ATM: variants seen among roughly 807,000 people sequenced by gnomAD.
ATM encodes the protein serine-protein kinase ATM.
A neutral mutation model predicts 387.0 loss-of-function variants in ATM; 308 were observed. The ratio of observed to expected loss-of-function variants is 0.80; its 90% CI spans 0.73 to 0.87. The LOEUF (loss-of-function observed/expected upper bound fraction) is 0.87, where lower values mean the gene tolerates loss of function less well. ATM is among the 40% of genes least tolerant of loss of function. The pLI, the probability that ATM is intolerant of heterozygous loss-of-function variation, is 0.00. For synonymous variants in ATM, 1,156 were observed against 1,187.3 expected (o/e 0.97, Z 0.54); for missense variants, 3,312 against 3,560.9 (o/e 0.93, Z 1.78).
chr11:108,231,150 A>G (rs1047390746), intron 4 of ATM, among the ~76,000 whole-genome samples: 10 of 152,180 alleles, frequency 6.6e-5, no homozygotes, highest in African/African-American at 2.4e-5. Context: ...TTTACTTGCT[A>G]TGATTTGAGG....
intron 7 of ATM, 52 bp from the exon 8 acceptor site, chr11:108,246,912 G>C (rs2079874184): frequency 8.9e-6 from 13 of 1,455,560 alleles, no homozygotes; most frequent in Non-Finnish European, 1.2e-5. Context: ...GGAGCTAGCA[G>C]TGTAAACAGA....
At position 108,365,476 on chromosome 11, in the gene ATM, C is replaced by T. The variant is rs121434219; in HGVS notation, c.9139C>T (p.Arg3047Ter). The T allele has an allele frequency of 1.6e-5, 26 of 1,613,988 alleles. No homozygotes were observed. Among genetic ancestry groups the T allele is most frequent in the South Asian group, 8.8e-5 (8 of 91,078 alleles). The change falls in exon 63 of 63, where the codon CGA (arginine) becomes TGA (stop). Residue 3047 changes from arginine (R) to a stop codon, truncating the protein, a stop_gained. Coordinates refer to ENST00000675843, the MANE Select transcript of ATM (RefSeq NM_000051.4). LOFTEE classifies it high-confidence loss of function. ...QQAIDPKNLS[R>*]LFPGWKAWV ...GGCCATAGACCCCAAAAATCTCAGC[C>T]GACTTTTCCCAGGATGGAAAGCTTG...
chr11:108,358,863 G>A (rs1244284), intron 61 of ATM, among the ~76,000 whole-genome samples: 3,507 of 151,326 alleles, frequency 0.023, 99 homozygotes, highest in African/African-American at 0.073. Flanking sequence ...AAAGACCATC[G>A]AGACTAGGAA....
chr11:108,303,260 G>A lies in ATM; in HGVS notation c.5496+231G>A, dbSNP rs4988039. Among the ~76,000 whole-genome samples the A allele has an allele frequency of 2.2e-3, 339 of 152,234 alleles. 1 individual carries two copies. Among genetic ancestry groups the A allele is most frequent in the Middle Eastern group, 3.4e-3 (1 of 294 alleles). Reference sequence around the variant, plus strand: ...GTGCCTTGAATAATTTGTTACTAATGATAGTTAAAATACTGCTGATTATAA... The same window carrying A: ...GTGCCTTGAATAATTTGTTACTAATAATAGTTAAAATACTGCTGATTATAA... On this transcript the variant is annotated intron_variant, in intron 36 of 62. Transcript: ENST00000675843.
At chr11:108,344,228 G>A (rs2087990460) in intron 57 of ATM, among the ~76,000 whole-genome samples, 1 of 152,168 alleles carries the variant, frequency 6.6e-6, no homozygotes, top group Admixed American at 6.5e-5. Flanking sequence ...GGAGGAGGAA[G>A]TGCTTAGTTC....
chr11:108,227,474 TAAATC>T, intron 1 of ATM, 116 bp from the exon 2 acceptor site: 1 of 648,412 alleles, frequency 1.5e-6, no homozygotes, highest in Non-Finnish European at 2.7e-6. Context: ...ATTGTACAGT[TAAATC>T]TAACTATAAA....
chr11:108,297,060 ATT>A, intron 32 of ATM: 1 of 511,368 alleles, frequency 2.0e-6, no homozygotes, highest in East Asian at 3.5e-5. Flanking sequence ...TGTTTAAGAC[ATT>A]TTATTTTCTC....
At chr11:108,237,813 C>G (rs1307588426) in intron 5 of ATM, among the ~76,000 whole-genome samples, 1 of 149,596 alleles carries the variant, frequency 6.7e-6, no homozygotes, top group Non-Finnish European at 1.5e-5. Flanking sequence ...TGCATTGAAT[C>G]TGTTGCACAA....
At chr11:108,278,111 C>A (rs1446614242) in intron 22 of ATM, among the ~76,000 whole-genome samples, 1 of 151,876 alleles carries the variant, frequency 6.6e-6, no homozygotes, top group African/African-American at 2.4e-5. Flanking sequence ...AAAATGTAAG[C>A]AATCAATAAT....
At position 108,253,887 on chromosome 11, in the gene ATM, G is replaced by T; in HGVS notation, c.1972G>T (p.Asp658Tyr). The change falls in exon 13 of 63, where the codon GAC becomes TAC. Residue 658 changes from aspartate (D) to tyrosine (Y), a missense_variant. By Grantham distance (160) the Asp-to-Tyr change is radical (BLOSUM62 -3). Coordinates refer to ENST00000675843, the MANE Select transcript of ATM (RefSeq NM_000051.4). ...AGAACTATTTCTTCAGACAACTTTT[G>T]ACAAGATGGACTTTTTAACCATTGT... ...VEELFLQTTF[D>Y]KMDFLTIVRE... The T allele has an allele frequency of 6.2e-7, 1 of 1,613,990 alleles. No individual in the cohort carries two copies. The highest frequency in any genetic ancestry group is 8.5e-7 in the Non-Finnish European group (1 of 1,179,966).
At chr11:108,325,652 C>A in intron 46 of ATM, 108 bp downstream of exon 46, 1 of 933,666 alleles carries the variant, frequency 1.1e-6, no homozygotes, top group Non-Finnish European at 1.6e-6. Context: ...ATAGAGATCT[C>A]TATTAATATA....
In ATM at chr11:108,270,989, C is replaced by T. The variant is rs112717329; in HGVS notation, c.2839-75C>T. ...GATTACAGGTGTGAGCCACTGCACC[C>T]GGCCTATGTTTATATACTTTTTAAA... On this transcript the variant is annotated intron_variant, in intron 18 of 62. Coordinates refer to ENST00000675843, the MANE Select transcript of ATM (RefSeq NM_000051.4). 2.4e-4 allele frequency: 309 copies of T among 1,280,604 alleles called. No homozygotes were observed. The African/African-American group carries it at 3.8e-3, about 16-fold the overall frequency. 79.3% of individuals were successfully genotyped at this position (1,280,604 alleles called of 1,614,324 possible). A position where few individuals can be genotyped will look rare whatever the true frequency, so the allele number is the denominator to read the frequency against.
chr11:108,357,566 T>C lies in ATM; in HGVS notation c.8850+2692T>C, dbSNP rs374489691. Among the ~76,000 whole-genome samples the C allele has an allele frequency of 6.0e-4, 91 of 151,946 alleles. 2 individuals are homozygous for C. In the South Asian group the frequency reaches 7.9e-3, roughly 13 times the overall value. On this transcript the variant is annotated intron_variant, in intron 61 of 62. Transcript: ENST00000675843. ...CCCTGTCTGACAGCTTTGAAGAGAG[T>C]AGTGGTTCTCCCAGCACGCAGCTGG...
intron 28 of ATM, among the ~76,000 whole-genome samples, 173 bp from the exon 29 acceptor site, chr11:108,289,429 C>T (rs971958634): frequency 1.3e-5 from 2 of 151,968 alleles, no homozygotes; most frequent in African/African-American, 4.8e-5. Context: ...TAGTAATTTT[C>T]TTAATGTAAC....
intron 35 of ATM, 63 bp downstream of exon 35, chr11:108,301,852 G>A (rs2135917715): frequency 6.4e-7 from 1 of 1,559,404 alleles, no homozygotes; most frequent in Non-Finnish European, 8.8e-7. Context: ...TGTTTGCTGT[G>A]GGTCATGACT....
In ATM at chr11:108,315,810, T is replaced by A. The variant is rs775798226; in HGVS notation, c.6007-13T>A. 1 of 1,602,366 alleles carries A rather than the reference T, an allele frequency of 6.2e-7. No individual in the cohort carries two copies. Among genetic ancestry groups the A allele is most frequent in the Non-Finnish European group, 8.5e-7 (1 of 1,169,826 alleles). Reference sequence around the variant, plus strand: ...TTTTCCTTCTTCAATTTTTGTTGTTTCCATGTTTTCAGGATCTTCTCTTAG... The same window carrying A: ...TTTTCCTTCTTCAATTTTTGTTGTTACCATGTTTTCAGGATCTTCTCTTAG... On this transcript the variant is annotated splice_polypyrimidine_tract_variant and intron_variant, in intron 40 of 62. Transcript: ENST00000675843.
At chr11:108,348,638 G>A (rs1022345777) in intron 59 of ATM, among the ~76,000 whole-genome samples, 3 of 151,580 alleles carry the variant, frequency 2.0e-5, no homozygotes, top group African/African-American at 7.3e-5. Context: ...TTAATCACTA[G>A]GTGATAATTT....
At chr11:108,298,217 C>T (rs1369412134) in intron 33 of ATM, among the ~76,000 whole-genome samples, 1 of 152,130 alleles carries the variant, frequency 6.6e-6, no homozygotes, top group African/African-American at 2.4e-5. Flanking sequence ...TTGAAGCTCT[C>T]GTGATGGTTT....
intron 61 of ATM, among the ~76,000 whole-genome samples, chr11:108,361,693 G>A (rs1186484957): frequency 6.6e-6 from 1 of 151,662 alleles, no homozygotes; most frequent in Non-Finnish European, 1.5e-5. Flanking sequence ...AACAAGCAAT[G>A]GGGAAAGGAT....
Sources: allele counts gnomAD v4.1 joint callset (sites outside exome capture counted in the v4.1 genomes callset), GRCh38; gene constraint gnomAD v4.1.1; transcripts MANE v1.5; gene names NCBI Gene and HGNC (gene_info 2026-07-23, HGNC 2026-07-21).